PDE12: variants seen among roughly 807,000 people sequenced by gnomAD.
The protein encoded by PDE12 is 2',5'-phosphodiesterase 12.
Under a neutral mutation model 45.4 loss-of-function variants are expected in PDE12, and 26 were observed. The observed-to-expected ratio is 0.57, with a 90% CI of 0.42 to 0.79. The LOEUF is 0.79. Among genes scored for constraint, PDE12 ranks in the 30% least tolerant of loss-of-function variants. The pLI is 0.00. For missense variants in PDE12, 668 were observed against 790.0 expected (o/e 0.85, Z 1.85); for synonymous variants, 283 against 323.9 (o/e 0.87, Z 1.36).
chr3:57,583,139 C>A, the PDE12 span, among the ~76,000 whole-genome samples: 4 of 152,286 alleles, frequency 2.6e-5, no homozygotes, highest in African/African-American at 9.6e-5. Context: ...GATACCAGAC[C>A]AGTAGTATCA....
the PDE12 span, among the ~76,000 whole-genome samples, chr3:57,583,550 G>A: frequency 6.6e-6 from 1 of 152,130 alleles, no homozygotes; most frequent in Non-Finnish European, 1.5e-5. Context: ...ACTATCAATT[G>A]TCTTACATTC....
At chr3:57,580,337 G>A in the PDE12 span, among the ~76,000 whole-genome samples, 1 of 152,050 alleles carries the variant, frequency 6.6e-6, no homozygotes, top group Non-Finnish European at 1.5e-5. Flanking sequence ...TAGCAAATAT[G>A]TCTCCTCCTT....
the PDE12 span, among the ~76,000 whole-genome samples, chr3:57,608,943 C>T: frequency 6.6e-6 from 1 of 152,168 alleles, no homozygotes; most frequent in East Asian, 1.9e-4. Flanking sequence ...ACATTCTTCT[C>T]AGCACATCAC....
At chr3:57,596,860 G>A in the PDE12 span, 1 of 559,100 alleles carries the variant, frequency 1.8e-6, no homozygotes, top group East Asian at 3.1e-5. Flanking sequence ...CTTGCCCGAA[G>A]CCCTGTCCCT....
the PDE12 span, among the ~76,000 whole-genome samples, chr3:57,644,112 T>G: frequency 7.0e-6 from 1 of 141,982 alleles, no homozygotes; most frequent in Non-Finnish European, 1.5e-5. Context: ...ATGGCGCCAT[T>G]GCACTCCCTC....
chr3:57,573,770 CAG>C, the PDE12 span, among the ~76,000 whole-genome samples: 1 of 152,112 alleles, frequency 6.6e-6, no homozygotes, highest in Middle Eastern at 3.4e-3. Context: ...TTAGTAGAGA[CAG>C]AGTTTTACCA....
chr3:57,620,558 T>C, the PDE12 span, among the ~76,000 whole-genome samples: 1 of 152,140 alleles, frequency 6.6e-6, no homozygotes, highest in Non-Finnish European at 1.5e-5. Flanking sequence ...ACAGATGGCA[T>C]AGTCTTCTAT....
chr3:57,628,073 A>G, the PDE12 span: 3 of 1,245,048 alleles, frequency 2.4e-6, no homozygotes, highest in Non-Finnish European at 3.3e-6. Flanking sequence ...TTTATACAAT[A>G]CAGTCTTTCT....
At chr3:57,647,196 C>T in the PDE12 span, among the ~76,000 whole-genome samples, 4 of 152,076 alleles carry the variant, frequency 2.6e-5, no homozygotes, top group Non-Finnish European at 5.9e-5. Flanking sequence ...AAAAATCAAA[C>T]AACAATTAAG....
the PDE12 span, chr3:57,596,753 G>C: frequency 2.8e-5 from 9 of 316,898 alleles, no homozygotes; most frequent in South Asian, 3.0e-4. Context: ...GCCTCGCCAA[G>C]TGTTTGCTTC....
the PDE12 span, among the ~76,000 whole-genome samples, chr3:57,643,019 AAAAG>A: frequency 0.17 from 24,633 of 148,396 alleles, 2,163 homozygotes; most frequent in African/African-American, 0.23. Flanking sequence ...AAAAAAAAAA[AAAAG>A]AAAGATCACT....
chr3:57,637,682 C>T, the PDE12 span, among the ~76,000 whole-genome samples: 290 of 149,116 alleles, frequency 1.9e-3, 1 homozygote, highest in African/African-American at 6.9e-3. Context: ...AGATATAAAC[C>T]ACTCATAAAT....
downstream of PDE12, among the ~76,000 whole-genome samples, chr3:57,569,764 A>T (rs1323727321): frequency 6.7e-6 from 1 of 149,728 alleles, no homozygotes. Flanking sequence ...CCCAGGAAGT[A>T]AAGGTTTCGG....
chr3:57,612,959 T>C, the PDE12 span, among the ~76,000 whole-genome samples: 1 of 151,982 alleles, frequency 6.6e-6, no homozygotes, highest in Non-Finnish European at 1.5e-5. Flanking sequence ...AAAGCAAGAA[T>C]GAACTATACG....
downstream of PDE12, among the ~76,000 whole-genome samples, chr3:57,569,126 A>C (rs2153408009): frequency 6.6e-6 from 1 of 152,346 alleles, no homozygotes; most frequent in African/African-American, 2.4e-5. Flanking sequence ...TAAGCATTGA[A>C]TCTTGATAGC....
chr3:57,641,662 T>C, the PDE12 span: 1 of 1,611,952 alleles, frequency 6.2e-7, no homozygotes, highest in Non-Finnish European at 8.5e-7. Flanking sequence ...CCTGTAGGTT[T>C]AAGGTCTCCT....
chr3:57,618,796 C>T, the PDE12 span, among the ~76,000 whole-genome samples: 1 of 151,308 alleles, frequency 6.6e-6, no homozygotes, highest in African/African-American at 2.4e-5. Context: ...TTAGTAGAGA[C>T]AGGGTTTCAC....
rs1460765145 is a variant in PDE12 at position 57,557,687 on chromosome 3, G to A, written c.1308G>A (p.Gln436=). Residue 436 remains glutamine (Q), a splice_region_variant and synonymous_variant, in exon 1 of 3, where the codon CAG becomes CAA. Transcript: ENST00000311180. ...EKVLQRSSVL[Q]VSVLQSTKDS... ...TGCTCCAGAGATCTTCTGTTCTTCA[G>A]GTAAAGTAGTTCCGCCCGTCTCTTC... The A allele has an allele frequency of 1.2e-6, 2 of 1,612,156 alleles. No homozygotes were observed. Among genetic ancestry groups the A allele is most frequent in the East Asian group, 2.2e-5 (1 of 44,868 alleles).
chr3:57,604,668 A>G, the PDE12 span, among the ~76,000 whole-genome samples: 9 of 141,900 alleles, frequency 6.3e-5, no homozygotes, highest in Admixed American at 6.7e-4. Context: ...GCTGGAATGC[A>G]GTGGTATGAT....
Sources: gnomAD v4.1 joint callset for allele counts (sites outside exome capture counted in the v4.1 genomes callset) on GRCh38, gnomAD v4.1.1 for gene constraint, MANE v1.5 for transcripts, NCBI Gene and HGNC (gene_info 2026-07-23, HGNC 2026-07-21) for gene names.